UVRAG: variants seen among roughly 807,000 people sequenced by gnomAD.
UVRAG encodes UV radiation resistance-associated gene protein.
A neutral mutation model predicts 78.0 loss-of-function variants in UVRAG; 19 were observed. The ratio of observed to expected loss-of-function variants is 0.24; its 90% CI spans 0.17 to 0.36. UVRAG has a LOEUF of 0.36. Among genes scored for constraint, UVRAG ranks in the 10% least tolerant of loss-of-function variants. The pLI is 1.00. For missense variants in UVRAG, 740 were observed against 853.8 expected, an observed-to-expected ratio of 0.87 and a Z score of 1.66; for synonymous variants, 323 against 324.6, an observed-to-expected ratio of 1.00 and a Z score of 0.05.
chr11:76,061,647 C>T (rs2134373478), intron 12 of UVRAG, among the ~76,000 whole-genome samples: 1 of 152,058 alleles, frequency 6.6e-6, no homozygotes, highest in Admixed American at 6.5e-5. Flanking sequence ...CCCAGCTTCA[C>T]ACCTGAGCCA....
At chr11:76,052,758 C>T (rs1334440834) in intron 12 of UVRAG, among the ~76,000 whole-genome samples, 1 of 151,986 alleles carries the variant, frequency 6.6e-6, no homozygotes, top group Non-Finnish European at 1.5e-5. Context: ...TCTCCCCATC[C>T]TTCGTTCATA....
At chr11:75,973,250 G>A (rs1358159724) in intron 7 of UVRAG, among the ~76,000 whole-genome samples, 1 of 152,148 alleles carries the variant, frequency 6.6e-6, no homozygotes. Flanking sequence ...ATCATGAATC[G>A]TAGTTGGATT....
rs544692622 is a variant in UVRAG at position 75,972,179 on chromosome 11, G to T, written c.699+10630G>T. On this transcript the variant is annotated intron_variant, in intron 7 of 14. Transcript: ENST00000356136. Reference sequence around the variant, plus strand: ...TTGCATAGTTTTTCTCCCAGTCTGTGGCTTGTCTTTACTCTTAACACAGTA... The same window carrying T: ...TTGCATAGTTTTTCTCCCAGTCTGTTGCTTGTCTTTACTCTTAACACAGTA... Among the ~76,000 whole-genome samples, 30 of 151,956 alleles carry T rather than the reference G, an allele frequency of 2.0e-4. No individual in the cohort carries two copies. In the South Asian group the frequency reaches 3.3e-3, roughly 17 times the overall value.
At chr11:75,821,448 C>A (rs1272144954) in intron 1 of UVRAG, among the ~76,000 whole-genome samples, 1 of 151,950 alleles carries the variant, frequency 6.6e-6, no homozygotes, top group Non-Finnish European at 1.5e-5. Flanking sequence ...GTCAAGTGAT[C>A]CTCCCACCTC....
chr11:76,086,911 G>A (rs1951598072), intron 13 of UVRAG, among the ~76,000 whole-genome samples: 1 of 152,206 alleles, frequency 6.6e-6, no homozygotes, highest in Non-Finnish European at 1.5e-5. Flanking sequence ...AATTCTAGCT[G>A]TTGCTGTTTA....
At chr11:75,948,631 T>C (rs759988864) in intron 6 of UVRAG, among the ~76,000 whole-genome samples, 1 of 152,160 alleles carries the variant, frequency 6.6e-6, no homozygotes, top group Non-Finnish European at 1.5e-5. Context: ...TGTAGAAAAA[T>C]GTAGATCACG....
chr11:75,960,772 AAAATT>A (rs976723891), intron 6 of UVRAG, among the ~76,000 whole-genome samples: 9 of 152,188 alleles, frequency 5.9e-5, no homozygotes, highest in Non-Finnish European at 7.3e-5. Flanking sequence ...GTCTCAAAAT[AAAATT>A]AAATTAAAGA....
chr11:76,034,837 T>A (rs1382759997), intron 12 of UVRAG, among the ~76,000 whole-genome samples: 1 of 152,230 alleles, frequency 6.6e-6, no homozygotes, highest in African/African-American at 2.4e-5. Flanking sequence ...TTAATATAAA[T>A]GATGGCTCCC....
chr11:75,833,224 T>C (rs1945700093), intron 1 of UVRAG, among the ~76,000 whole-genome samples: 1 of 152,210 alleles, frequency 6.6e-6, no homozygotes, highest in Admixed American at 6.5e-5. Context: ...TAACATTTTG[T>C]GTTCAAATCC....
At position 75,961,549 on chromosome 11, in the gene UVRAG, G is replaced by A. The variant is rs759305113; in HGVS notation, c.699G>A (p.Leu233=). 1.3e-6 allele frequency: 2 copies of A among 1,590,228 alleles called. No individual in the cohort carries two copies. Among genetic ancestry groups the A allele is most frequent in the South Asian group, 1.2e-5 (1 of 86,506 alleles). The change falls in exon 7 of 15, where the codon CTG becomes CTA. Residue 233 remains leucine, a splice_region_variant and synonymous_variant. Transcript: ENST00000356136. ...GACTCACATCTACAAGCAATGAACT[G>A]GTAGGTTTTTATGTATTTACCTGTT... is the stretch of plus-strand genomic sequence containing the variant. ...KLRLTSTSNE[L]KKKSECLQLK... is the part of the protein sequence containing the mutation.
chr11:75,939,705 TGAGGCTGGTAATGAACTG>T (rs1187185156), intron 6 of UVRAG, among the ~76,000 whole-genome samples: 1 of 152,128 alleles, frequency 6.6e-6, no homozygotes, highest in East Asian at 1.9e-4. Context: ...TGAGAATGTG[TGAGGCTGGTAATGAACTG>T]GAGGTCCAAC....
chr11:75,955,743 G>A (rs1565397582), intron 6 of UVRAG, among the ~76,000 whole-genome samples: 1 of 152,084 alleles, frequency 6.6e-6, no homozygotes, highest in Non-Finnish European at 1.5e-5. Flanking sequence ...CAAAAAATTA[G>A]TCGGACCCAG....
At chr11:76,003,067 C>T (rs1949848014) in intron 8 of UVRAG, among the ~76,000 whole-genome samples, 1 of 151,090 alleles carries the variant, frequency 6.6e-6, no homozygotes, top group Admixed American at 6.6e-5. Flanking sequence ...GACAGAAACC[C>T]TGTCTAAAAA....
At chr11:75,968,279 G>A (rs1002982955) in intron 7 of UVRAG, among the ~76,000 whole-genome samples, 5 of 152,136 alleles carry the variant, frequency 3.3e-5, no homozygotes, top group Non-Finnish European at 7.4e-5. Context: ...CACATATAGT[G>A]TTGTATAAAA....
chr11:76,070,837 G>A (rs1461648534), intron 13 of UVRAG, among the ~76,000 whole-genome samples: 2 of 152,164 alleles, frequency 1.3e-5, no homozygotes, highest in Non-Finnish European at 2.9e-5. Context: ...AGGGCTGGGG[G>A]AATAGGAGAG....
At chr11:76,066,655 G>A (rs1005299932) in intron 13 of UVRAG, among the ~76,000 whole-genome samples, 3 of 152,086 alleles carry the variant, frequency 2.0e-5, no homozygotes, top group Admixed American at 6.5e-5. Context: ...TGTGTTTTTA[G>A]TAGAGACGGG....
At chr11:75,861,517 C>T (rs746234077) in intron 2 of UVRAG, among the ~76,000 whole-genome samples, 6 of 152,036 alleles carry the variant, frequency 3.9e-5, no homozygotes, top group African/African-American at 9.7e-5. Flanking sequence ...ATCACTAAAG[C>T]AAATCTGAAA....
At position 75,920,008 on chromosome 11, in the gene UVRAG, G is replaced by GTTTTTTTTTTT. The variant is rs140217190; in HGVS notation, c.593+7994_593+8004dup. Among the ~76,000 whole-genome samples, 55 of 55,504 alleles carry GTTTTTTTTTTT rather than the reference G, an allele frequency of 9.9e-4. 6 individuals are homozygous for GTTTTTTTTTTT. The highest frequency in any genetic ancestry group is 2.5e-3 in the East Asian group (4 of 1,578). The allele number at this position is 55,504 out of a possible 152,430, so 36.4% of individuals were successfully genotyped here. ...CAAAATTTAAAATAAAATAATTTTG[G>GTTTTTTTTTTT]TTTTTTTTTTTTTTTTTTTTTTTTT... On this transcript the variant is annotated intron_variant, in intron 6 of 14. Coordinates refer to ENST00000356136, the MANE Select transcript of UVRAG (RefSeq NM_003369.4).
intron 7 of UVRAG, chr11:75,979,413 G>A (rs1427687251): frequency 6.6e-6 from 1 of 152,420 alleles, no homozygotes; most frequent in Non-Finnish European, 1.5e-5. Flanking sequence ...TGACAGACAG[G>A]GATGTTTAAG....
Sources: allele counts gnomAD v4.1 joint callset (sites outside exome capture counted in the v4.1 genomes callset), GRCh38; gene constraint gnomAD v4.1.1; transcripts MANE v1.5; gene names NCBI Gene and HGNC (gene_info 2026-07-23, HGNC 2026-07-21).